EDARADD: variants seen among roughly 807,000 people sequenced by gnomAD.
The protein encoded by EDARADD is EDAR associated via death domain.
EDARADD carries 20 observed loss-of-function variants against 25.6 expected under a neutral mutation model. That is an observed-to-expected ratio of 0.78 (90% confidence interval 0.55 to 1.14). The LOEUF is 1.14. Among genes scored for constraint, EDARADD ranks in the 50% most tolerant of loss-of-function variants. EDARADD has a pLI of 0.00. For missense variants in EDARADD, 225 were observed against 270.1 expected (o/e 0.83, Z 1.17); for synonymous variants, 86 against 94.4 (o/e 0.91, Z 0.52).
At chr1:236,479,834 C>T (rs772919416) in intron 5 of EDARADD, among the ~76,000 whole-genome samples, 5 of 151,458 alleles carry the variant, frequency 3.3e-5, no homozygotes, top group Non-Finnish European at 7.4e-5. Context: ...TTGCTTAAGG[C>T]CAAGAGTTCA....
At chr1:236,364,383 C>G (rs1356694131) in intron 3 of EDARADD, among the ~76,000 whole-genome samples, 1 of 152,154 alleles carries the variant, frequency 6.6e-6, no homozygotes, top group Non-Finnish European at 1.5e-5. Flanking sequence ...ACTCTATAAA[C>G]TCTGCATTGC....
chr1:236,454,336 C>G (rs1222655561), intron 4 of EDARADD, among the ~76,000 whole-genome samples: 6 of 152,336 alleles, frequency 3.9e-5, no homozygotes, highest in South Asian at 4.1e-4. Flanking sequence ...GCGTGAGCCA[C>G]CGTGCCCGGC....
Position 236,482,588 on chromosome 1 carries a change from G to T in EDARADD, c.587G>T (p.Arg196Leu). 1 of 1,613,078 alleles carries T rather than the reference G, an allele frequency of 6.2e-7. No individual in the cohort carries two copies. Among genetic ancestry groups the T allele is most frequent in the Non-Finnish European group, 8.5e-7 (1 of 1,180,034 alleles). The change falls in exon 6 of 6, where the codon CGC becomes CTC. Residue 196 changes from arginine (R) to leucine (L), a missense_variant. Coordinates refer to ENST00000334232, the MANE Select transcript of EDARADD (RefSeq NM_145861.4). ...AGGGCCGACGTGGAGAAGGTTCTGC[G>T]CAGGTGGGTGGACGAGGAGTGGCCC... is the stretch of plus-strand genomic sequence containing the variant. ...YHRADVEKVLRRWVDEEWPKR... is the reference protein window; with the variant it reads ...YHRADVEKVLLRWVDEEWPKR...
intron 4 of EDARADD, among the ~76,000 whole-genome samples, chr1:236,467,088 A>C (rs1659216632): frequency 6.6e-6 from 1 of 151,864 alleles, no homozygotes; most frequent in Non-Finnish European, 1.5e-5. Context: ...AAAACAAAAA[A>C]AAAACACACA....
chr1:236,473,078 T>C (rs560637726), intron 5 of EDARADD, among the ~76,000 whole-genome samples: 7 of 152,332 alleles, frequency 4.6e-5, no homozygotes, highest in African/African-American at 1.4e-4. Context: ...CAAATACTTA[T>C]TGAGCACCTG....
intron 4 of EDARADD, among the ~76,000 whole-genome samples, chr1:236,446,764 T>C (rs1658547194): frequency 6.6e-6 from 1 of 152,188 alleles, no homozygotes; most frequent in African/African-American, 2.4e-5. Context: ...TTCATTTCTG[T>C]AGGTTGTGGT....
chr1:236,361,080 T>TGCACATATCTAGTC (rs1667042308), intron 3 of EDARADD, among the ~76,000 whole-genome samples: 1 of 152,000 alleles, frequency 6.6e-6, no homozygotes, highest in Non-Finnish European at 1.5e-5. Flanking sequence ...GACATACAGT[T>TGCACATATCTAGTC]GACACACAAC....
chr1:236,464,682 C>T (rs956596445), intron 4 of EDARADD, among the ~76,000 whole-genome samples: 1 of 152,000 alleles, frequency 6.6e-6, no homozygotes, highest in African/African-American at 2.4e-5. Flanking sequence ...ATTGGCCCGC[C>T]TCGGCCTCCC....
At chr1:236,374,253 C>G (rs1667200523) in intron 3 of EDARADD, among the ~76,000 whole-genome samples, 1 of 138,960 alleles carries the variant, frequency 7.2e-6, no homozygotes, top group South Asian at 2.8e-4. Context: ...CTGTTCCCTC[C>G]CTCCCTCCCT....
chr1:236,385,486 G>A (rs1018442950), intron 3 of EDARADD, among the ~76,000 whole-genome samples: 5 of 151,576 alleles, frequency 3.3e-5, no homozygotes, highest in African/African-American at 1.2e-4. Flanking sequence ...CACTTTGGGA[G>A]GCTGAGGTGG....
intron 5 of EDARADD, among the ~76,000 whole-genome samples, chr1:236,469,916 G>A (rs1366486363): frequency 2.6e-5 from 4 of 151,862 alleles, no homozygotes; most frequent in Non-Finnish European, 4.4e-5. Flanking sequence ...CACCATGTTG[G>A]CCAGGCTGGT....
intron 1 of EDARADD, among the ~76,000 whole-genome samples, chr1:236,402,558 A>G (rs530091570): frequency 3.3e-5 from 5 of 152,208 alleles, no homozygotes; most frequent in Admixed American, 6.5e-5. Context: ...CCCTGTCTCA[A>G]AATTTTTATT....
At chr1:236,446,078 T>C (rs1027813407) in intron 4 of EDARADD, among the ~76,000 whole-genome samples, 3 of 152,172 alleles carry the variant, frequency 2.0e-5, no homozygotes, top group African/African-American at 7.2e-5. Flanking sequence ...AAATGCTTTA[T>C]ATGAAAAATG....
intron 3 of EDARADD, among the ~76,000 whole-genome samples, chr1:236,423,417 CTTTCCGTGAGCATTGTTGTGAG>C (rs1197822907): frequency 1.3e-5 from 2 of 152,116 alleles, no homozygotes; most frequent in Non-Finnish European, 2.9e-5. Context: ...TGGCCCATCT[CTTTCCGTGAGCATTGTTGTGAG>C]TACTGTATTC....
In EDARADD at chr1:236,374,004, T is replaced by C. The variant is rs141663697; in HGVS notation, c.-6+23165T>C. Among the ~76,000 whole-genome samples, 105 of 152,342 alleles carry C rather than the reference T, an allele frequency of 6.9e-4. No homozygotes were observed. The East Asian group carries it at 0.02, about 29-fold the overall frequency. On this transcript the variant is annotated intron_variant, in intron 3 of 7. Coordinates refer to the EDARADD transcript ENST00000439430. ...ATCTTTTTATTATTGGTTTCTAGTT[T>C]AATTCCACTGTGGTCTAAGAGCAGA...
intron 3 of EDARADD, among the ~76,000 whole-genome samples, chr1:236,382,522 C>G (rs1019980275): frequency 2.6e-5 from 4 of 152,158 alleles, no homozygotes; most frequent in Non-Finnish European, 4.4e-5. Context: ...GTCTGGTAAT[C>G]ATTGTATTCC....
At chr1:236,385,408 CAAA>C (rs1164948283) in intron 3 of EDARADD, among the ~76,000 whole-genome samples, 1,279 of 35,290 alleles carry the variant, frequency 0.036, 13 homozygotes, top group African/African-American at 0.097. Flanking sequence ...GACTCCATCT[CAAA>C]AAAAAAAAAA....
At chr1:236,389,002 T>C in intron 3 of EDARADD, among the ~76,000 whole-genome samples, 1 of 38,706 alleles carries the variant, frequency 2.6e-5, no homozygotes, top group East Asian at 1.2e-3. Context: ...AAAGCAAACA[T>C]CCCTCAAAAA....
chr1:236,440,577 T>G (rs1353732957), intron 4 of EDARADD, among the ~76,000 whole-genome samples: 1 of 146,026 alleles, frequency 6.8e-6, no homozygotes, highest in Non-Finnish European at 1.5e-5. Flanking sequence ...AGATATTGCA[T>G]TTTTTTTTTT....
Sources: gnomAD v4.1 joint callset for allele counts (sites outside exome capture counted in the v4.1 genomes callset) on GRCh38, gnomAD v4.1.1 for gene constraint, MANE v1.5 for transcripts, NCBI Gene and HGNC (gene_info 2026-07-23, HGNC 2026-07-21) for gene names.